TNS1: variants seen among roughly 807,000 people sequenced by gnomAD.
TNS1 encodes the protein tensin 1, also known as tensin-1.
A neutral mutation model predicts 168.6 loss-of-function variants in TNS1; 62 were observed. That is an observed-to-expected ratio of 0.37 (90% CI 0.30 to 0.45). The LOEUF is 0.45. Ranked by LOEUF, TNS1 falls within the 20% of genes least tolerant of loss-of-function variation. The pLI is 1.00. For missense variants in TNS1, 2,240 were observed against 2,339.4 expected, an observed-to-expected ratio of 0.96 and a Z score of 0.88; for synonymous variants, 934 against 933.2, an observed-to-expected ratio of 1.00 and a Z score of -0.02.
chr2:217,806,549 G>A (rs929795299), intron 32 of TNS1, among the ~76,000 whole-genome samples: 1 of 152,122 alleles, frequency 6.6e-6, no homozygotes, highest in Non-Finnish European at 1.5e-5. Flanking sequence ...TCCCTCGCAG[G>A]GCCCTGTGGT....
chr2:217,951,381 T>C (rs1957237120), intron 3 of TNS1, among the ~76,000 whole-genome samples: 1 of 152,230 alleles, frequency 6.6e-6, no homozygotes, highest in South Asian at 2.1e-4. Flanking sequence ...TTAGTGAGTG[T>C]TTCCCAATTG....
intron 18 of TNS1, among the ~76,000 whole-genome samples, chr2:217,877,675 T>TG (rs543762560): frequency 1.0e-3 from 159 of 152,212 alleles, no homozygotes; most frequent in African/African-American, 3.3e-3. Flanking sequence ...GGAGCTGGGT[T>TG]GGGGGGCTGC....
At chr2:218,026,592 T>TGGCCG (rs1958851158) in intron 1 of TNS1, among the ~76,000 whole-genome samples, 1 of 152,112 alleles carries the variant, frequency 6.6e-6, no homozygotes, top group Non-Finnish European at 1.5e-5. Context: ...AAGGAAAAGG[T>TGGCCG]GGCTGTAGGG....
intron 2 of TNS1, among the ~76,000 whole-genome samples, chr2:217,984,109 G>A (rs1289601497): frequency 6.6e-6 from 1 of 152,158 alleles, no homozygotes; most frequent in African/African-American, 2.4e-5. Context: ...AACAGGCAGG[G>A]GTACCCCACC....
At chr2:217,878,501 T>C (rs994084546) in intron 18 of TNS1, among the ~76,000 whole-genome samples, 1 of 152,168 alleles carries the variant, frequency 6.6e-6, no homozygotes, top group African/African-American at 2.4e-5. Flanking sequence ...ATAAGAGTCA[T>C]AGAATGGCTG....
At chr2:217,893,724 G>A (rs1393768498) in intron 9 of TNS1, among the ~76,000 whole-genome samples, 163 bp from the exon 10 acceptor site, 1 of 152,394 alleles carries the variant, frequency 6.6e-6, no homozygotes, top group Middle Eastern at 3.4e-3. Context: ...CGAGGAGGCA[G>A]GGGAGTGAAG....
intron 1 of TNS1, among the ~76,000 whole-genome samples, chr2:217,991,425 C>T (rs1296578238): frequency 6.6e-6 from 1 of 152,166 alleles, no homozygotes; most frequent in Non-Finnish European, 1.5e-5. Context: ...ATACACCCCA[C>T]AGAGCCACAT....
intron 1 of TNS1, among the ~76,000 whole-genome samples, chr2:218,015,632 C>T (rs1958751204): frequency 6.6e-6 from 1 of 152,182 alleles, no homozygotes; most frequent in Non-Finnish European, 1.5e-5. Flanking sequence ...TTCAAGCCCC[C>T]GTCCCCATCC....
intron 22 of TNS1, among the ~76,000 whole-genome samples, chr2:217,829,262 G>A (rs978157128): frequency 2.0e-5 from 3 of 151,752 alleles, no homozygotes; most frequent in Admixed American, 2.0e-4. Flanking sequence ...GTGCATGCCT[G>A]TAATCCCAGC....
At chr2:217,937,091 T>C in intron 3 of TNS1, 1 of 450,288 alleles carries the variant, frequency 2.2e-6, no homozygotes, top group Non-Finnish European at 4.5e-6. Context: ...ATGGTACCTC[T>C]TCTCCAAAGC....
At chr2:217,832,937 A>AAC (rs143114343) in intron 21 of TNS1, among the ~76,000 whole-genome samples, 37 of 150,308 alleles carry the variant, frequency 2.5e-4, no homozygotes, top group East Asian at 5.9e-4. Context: ...CACACACACA[A>AAC]ACACACACAC....
At chr2:217,882,144 T>C (rs1182397494) in intron 17 of TNS1, 2 of 505,738 alleles carry the variant, frequency 4.0e-6, no homozygotes, top group Non-Finnish European at 3.5e-6. Flanking sequence ...CTCTGTCTGC[T>C]TTTTTATTTT....
chr2:217,830,334 A>G (rs1306100254), intron 22 of TNS1: 1 of 1,613,868 alleles, frequency 6.2e-7, no homozygotes, highest in Admixed American at 1.7e-5. Context: ...GCGTGGCTTC[A>G]TGGGTCACAA....
chr2:218,012,451 C>T (rs1213280282), upstream of TNS1, among the ~76,000 whole-genome samples: 2 of 152,116 alleles, frequency 1.3e-5, no homozygotes, highest in African/African-American at 2.4e-5. Flanking sequence ...AAGGCTTCCC[C>T]GCCTGAAGCC....
intron 1 of TNS1, among the ~76,000 whole-genome samples, chr2:218,020,392 G>A (rs1031365559): frequency 1.3e-5 from 2 of 152,080 alleles, no homozygotes; most frequent in African/African-American, 2.4e-5. Flanking sequence ...TAGGATCACT[G>A]GTTAAATAAC....
At chr2:217,943,588 G>A (rs1185141484) in intron 3 of TNS1, among the ~76,000 whole-genome samples, 1 of 152,134 alleles carries the variant, frequency 6.6e-6, no homozygotes, top group Non-Finnish European at 1.5e-5. Flanking sequence ...TGCTCTCTCA[G>A]AGCAGGGACA....
chr2:217,929,787 C>T (rs1367770703), intron 3 of TNS1, among the ~76,000 whole-genome samples: 1 of 151,818 alleles, frequency 6.6e-6, no homozygotes, highest in African/African-American at 2.4e-5. Flanking sequence ...TCCACCAAGC[C>T]TAGGCAACTC....
intron 3 of TNS1, among the ~76,000 whole-genome samples, chr2:217,936,532 G>A (rs943111657): frequency 2.0e-5 from 3 of 152,160 alleles, no homozygotes; most frequent in Admixed American, 6.5e-5. Context: ...CCAGGGCTGA[G>A]GAATTTGAAC....
chr2:217,814,127 C>T (rs553849019), intron 25 of TNS1: 92 of 195,948 alleles, frequency 4.7e-4, no homozygotes, highest in African/African-American at 2.1e-3. Flanking sequence ...TCAGCCTCTC[C>T]AGTAGCTGGG....
Sources: allele counts gnomAD v4.1 joint callset (sites outside exome capture counted in the v4.1 genomes callset), GRCh38; gene constraint gnomAD v4.1.1; transcripts MANE v1.5; gene names NCBI Gene and HGNC (gene_info 2026-07-23, HGNC 2026-07-21).